The following NOL4L variants were observed in gnomAD, a reference collection of about 807,000 sequenced individuals.
NOL4L encodes the protein nucleolar protein 4-like.
In NOL4L, 7 loss-of-function variants were observed where a neutral mutation model predicts 64.5. That is an observed-to-expected ratio of 0.11 (90% confidence interval 0.06 to 0.20). The LOEUF (loss-of-function observed/expected upper bound fraction) is 0.20, where lower values mean the gene tolerates loss of function less well. NOL4L is among the 10% of genes least tolerant of loss of function. NOL4L has a pLI of 1.00. For synonymous variants in NOL4L, 413 were observed against 401.0 expected, an observed-to-expected ratio of 1.03 and a Z score of -0.36; for missense variants, 680 against 967.1, an observed-to-expected ratio of 0.70 and a Z score of 3.94.
At chr20:32,479,083 G>A (rs1169820254) in intron 4 of NOL4L, among the ~76,000 whole-genome samples, 1 of 152,256 alleles carries the variant, frequency 6.6e-6, no homozygotes, top group Admixed American at 6.5e-5. Context: ...ATGGGTGTAA[G>A]CCCCCCTAGC....
chr20:32,472,211 T>TGTTCATTC (rs2015072869), intron 5 of NOL4L, among the ~76,000 whole-genome samples: 1 of 152,226 alleles, frequency 6.6e-6, no homozygotes, highest in Non-Finnish European at 1.5e-5. Flanking sequence ...TTTGTTCGTT[T>TGTTCATTC]GTTCATTCGG....
At chr20:32,542,818 G>A (rs903781877) in intron 1 of NOL4L, among the ~76,000 whole-genome samples, 15 of 152,222 alleles carry the variant, frequency 9.9e-5, no homozygotes, top group Non-Finnish European at 4.4e-5. Context: ...AGTCATTGCC[G>A]TGATTCATTC....
chr20:32,524,259 G>A (rs954575559), intron 2 of NOL4L, among the ~76,000 whole-genome samples: 2 of 152,074 alleles, frequency 1.3e-5, no homozygotes, highest in East Asian at 1.9e-4. Flanking sequence ...AGAGACCTCC[G>A]AGATCCTCTG....
intron 4 of NOL4L, among the ~76,000 whole-genome samples, chr20:32,507,232 T>TA (rs1325150294): frequency 1.3e-5 from 2 of 152,072 alleles, no homozygotes; most frequent in Non-Finnish European, 2.9e-5. Flanking sequence ...TATTCCCAAA[T>TA]AAAAAAACTC....
intron 5 of NOL4L, among the ~76,000 whole-genome samples, chr20:32,472,842 G>T (rs936680847): frequency 2.6e-5 from 4 of 152,290 alleles, no homozygotes; most frequent in South Asian, 2.1e-4. Flanking sequence ...CCCAGCTCTG[G>T]TGTCCATCAG....
chr20:32,564,383 C>G (rs75486085), intron 1 of NOL4L, among the ~76,000 whole-genome samples: 6,750 of 152,264 alleles, frequency 0.044, 528 homozygotes, highest in African/African-American at 0.16. Flanking sequence ...GCTCTCAGCC[C>G]CATTTACAGG....
rs1568647934 is a variant in NOL4L, at chr20:32,488,794, T to TTC, written c.700-14053_700-14052insGA. Among the ~76,000 whole-genome samples, 459 of 48,698 alleles carry TTC rather than the reference T, an allele frequency of 9.4e-3. 22 individuals carry two copies. The highest frequency in any genetic ancestry group is 0.023 in the East Asian group (39 of 1,674). 31.9% of individuals were successfully genotyped at this position (48,698 alleles called of 152,430 possible). ...TCCTTCCTTCCTTCCTTCCTTCCTT[T>TTC]CTTTCTTTCTTTTTCTTTCTTTCTT... On this transcript the variant is annotated intron_variant, in intron 4 of 10. Coordinates refer to ENST00000621426, the MANE Select transcript of NOL4L (RefSeq NM_001256798.2).
intron 1 of NOL4L, among the ~76,000 whole-genome samples, chr20:32,580,005 G>T (rs1386800140): frequency 6.6e-6 from 1 of 152,160 alleles, no homozygotes; most frequent in Non-Finnish European, 1.5e-5. Flanking sequence ...CAGACCTCTT[G>T]ACCAGAGGGA....
Position 32,522,844 on chromosome 20 carries a change from C to T in NOL4L, c.478-1922G>A, listed in dbSNP as rs113517166. Among the ~76,000 whole-genome samples the T allele has an allele frequency of 3.9e-4, 59 of 152,294 alleles. 1 individual carries two copies. The highest frequency in any genetic ancestry group is 1.3e-3 in the African/African-American group (55 of 41,556). ...GGCCTCAGGAGAGCTCAGTGGAGGGCCCGGGGGAGGGTTGCACAGTCAGCT... is the reference window on the plus strand; with the variant it reads ...GGCCTCAGGAGAGCTCAGTGGAGGGTCCGGGGGAGGGTTGCACAGTCAGCT... On this transcript the variant is annotated intron_variant, in intron 2 of 10. Transcript: ENST00000621426.
At chr20:32,459,622 C>T (rs559205552) in intron 5 of NOL4L, among the ~76,000 whole-genome samples, 45 of 152,080 alleles carry the variant, frequency 3.0e-4, no homozygotes, top group African/African-American at 7.5e-4. Context: ...TGACCTCAGG[C>T]GATCCGCCCG....
chr20:32,509,517 CAAAAAAAAAAAA>C (rs71338441), intron 4 of NOL4L, among the ~76,000 whole-genome samples: 6 of 62,846 alleles, frequency 9.5e-5, no homozygotes, highest in Admixed American at 2.1e-4. Flanking sequence ...GACTCTGCCT[CAAAAAAAAAAAA>C]AAAAAAAAAA....
intron 1 of NOL4L, among the ~76,000 whole-genome samples, chr20:32,574,694 C>A (rs940867192): frequency 6.6e-6 from 1 of 152,134 alleles, no homozygotes; most frequent in East Asian, 1.9e-4. Flanking sequence ...CTCCCAGGAG[C>A]TTGTGTCGGG....
At chr20:32,457,249 C>A (rs546377619) in intron 5 of NOL4L, among the ~76,000 whole-genome samples, 8 of 152,350 alleles carry the variant, frequency 5.3e-5, no homozygotes, top group African/African-American at 1.9e-4. Flanking sequence ...AGCCCCAGCC[C>A]CAGCCCCGGC....
chr20:32,516,176 T>C (rs561322283), intron 3 of NOL4L, among the ~76,000 whole-genome samples: 25 of 151,956 alleles, frequency 1.6e-4, no homozygotes, highest in African/African-American at 6.0e-4. Flanking sequence ...CGTCGAAGGA[T>C]GTGTGCACGA....
intron 5 of NOL4L, among the ~76,000 whole-genome samples, chr20:32,459,000 C>T (rs555833046): frequency 4.6e-5 from 7 of 152,220 alleles, no homozygotes; most frequent in Middle Eastern, 3.2e-3. Flanking sequence ...ACCTTTGCCT[C>T]GGGGCTGTGC....
intron 9 of NOL4L, 108 bp from the exon 10 acceptor site, chr20:32,452,545 C>A (rs956080636): frequency 5.7e-6 from 6 of 1,055,516 alleles, no homozygotes; most frequent in African/African-American, 1.6e-5. Context: ...CTCCTGGGAC[C>A]CAATGCTGCG....
At chr20:32,462,841 G>A (rs563865131) in intron 5 of NOL4L, among the ~76,000 whole-genome samples, 1 of 140,854 alleles carries the variant, frequency 7.1e-6, no homozygotes, top group African/African-American at 2.7e-5. Context: ...GGAGGTGGAG[G>A]TTGCAGTGAG....
chr20:32,486,896 G>T, intron 4 of NOL4L: 1 of 415,558 alleles, frequency 2.4e-6, no homozygotes, highest in South Asian at 1.8e-5. Context: ...AATCCAGAAA[G>T]AGAAACTCCA....
At chr20:32,545,458 A>G (rs1418415748) in intron 1 of NOL4L, among the ~76,000 whole-genome samples, 3 of 152,182 alleles carry the variant, frequency 2.0e-5, no homozygotes, top group Non-Finnish European at 4.4e-5. Context: ...CTGCTGCCGG[A>G]CAGCCGACTG....
Sources: allele counts gnomAD v4.1 joint callset (sites outside exome capture counted in the v4.1 genomes callset), GRCh38; gene constraint gnomAD v4.1.1; transcripts MANE v1.5; gene names NCBI Gene and HGNC (gene_info 2026-07-23, HGNC 2026-07-21).